NBAS: variants seen among roughly 807,000 people sequenced by gnomAD.
NBAS encodes NAG/BC035112 fusion.
NBAS carries 219 observed loss-of-function variants against 302.5 expected under a neutral mutation model. The ratio of observed to expected loss-of-function variants is 0.72; its 90% confidence interval spans 0.65 to 0.81. The LOEUF is 0.81. Among genes scored for constraint, NBAS ranks in the 30% least tolerant of loss-of-function variants. The pLI is 0.00. For synonymous variants in NBAS, 1,118 were observed against 1,021.6 expected, an observed-to-expected ratio of 1.09 and a Z score of -1.80; for missense variants, 2,932 against 2,841.6, an observed-to-expected ratio of 1.03 and a Z score of -0.72.
intron 11 of NBAS, among the ~76,000 whole-genome samples, chr2:15,502,831 T>C (rs1467980085): frequency 6.6e-6 from 1 of 152,204 alleles, no homozygotes; most frequent in Non-Finnish European, 1.5e-5. Context: ...TCCTCAATAA[T>C]AAATTAGCCT....
intron 38 of NBAS, 40 bp from the exon 39 acceptor site, chr2:15,309,287 A>G: frequency 6.6e-7 from 1 of 1,520,374 alleles, no homozygotes; most frequent in Non-Finnish European, 9.1e-7. Context: ...CTGAGGTTGC[A>G]TATGATATTC....
At chr2:14,981,983 C>T in the NBAS span, among the ~76,000 whole-genome samples, 1 of 152,120 alleles carries the variant, frequency 6.6e-6, no homozygotes, top group Non-Finnish European at 1.5e-5. Context: ...CCATGCTTGC[C>T]GTAGTGATTT....
At position 15,468,515 on chromosome 2, in the gene NBAS, A is replaced by T; in HGVS notation, c.1744T>A (p.Ser582Thr). The T allele has an allele frequency of 6.2e-7, 1 of 1,614,066 alleles. No individual in the cohort carries two copies. The highest frequency in any genetic ancestry group is 8.5e-7 in the Non-Finnish European group (1 of 1,179,954). Residue 582 changes from serine to threonine, a missense_variant, in exon 17 of 52, where the codon TCC becomes ACC. Transcript: ENST00000281513. The stretch of plus-strand genomic sequence containing the variant: ...TCCAAACACTCATGGAGAACCCAGG[A>T]TCGCTTCTTTATTTTACTCTGCATA... ...QNYLSKIKKR[S>T]WVLHECLERV...
the NBAS span, among the ~76,000 whole-genome samples, chr2:14,962,250 G>A: frequency 6.6e-6 from 1 of 152,168 alleles, no homozygotes; most frequent in Admixed American, 6.5e-5. Flanking sequence ...TCTGGGACAT[G>A]GGAGATTTGA....
intron 40 of NBAS, among the ~76,000 whole-genome samples, chr2:15,304,856 A>T (rs1670959399): frequency 6.6e-6 from 1 of 152,204 alleles, no homozygotes; most frequent in African/African-American, 2.4e-5. Context: ...AGTTTTATGC[A>T]TTCACAAAAA....
intron 38 of NBAS, among the ~76,000 whole-genome samples, chr2:15,316,156 A>AT (rs1671499157): frequency 6.6e-6 from 1 of 152,236 alleles, no homozygotes; most frequent in African/African-American, 2.4e-5. Context: ...CACGAATTTA[A>AT]TTTGTAATGC....
intron 21 of NBAS, among the ~76,000 whole-genome samples, chr2:15,450,551 C>G (rs975544825): frequency 6.6e-6 from 1 of 152,070 alleles, no homozygotes; most frequent in Non-Finnish European, 1.5e-5. Context: ...TGTATCTAAC[C>G]TGTCTGATCT....
chr2:14,986,406 A>G, the NBAS span, among the ~76,000 whole-genome samples: 5 of 152,266 alleles, frequency 3.3e-5, no homozygotes, highest in African/African-American at 1.2e-4. Flanking sequence ...TTAATCTAAT[A>G]CACTGAACCC....
At chr2:15,198,282 T>G (rs1665710425) in intron 48 of NBAS, among the ~76,000 whole-genome samples, 1 of 152,244 alleles carries the variant, frequency 6.6e-6, no homozygotes, top group African/African-American at 2.4e-5. Context: ...CACAAGTACC[T>G]GACTCAGGTG....
chr2:14,845,468 C>G, the NBAS span, among the ~76,000 whole-genome samples: 1 of 152,142 alleles, frequency 6.6e-6, no homozygotes, highest in Non-Finnish European at 1.5e-5. Flanking sequence ...AAAGACTGCA[C>G]TAAATCCTAA....
intron 21 of NBAS, among the ~76,000 whole-genome samples, chr2:15,428,162 C>T (rs1677573540): frequency 6.6e-6 from 1 of 152,172 alleles, no homozygotes; most frequent in Non-Finnish European, 1.5e-5. Flanking sequence ...GTAGTGCTTT[C>T]AACAGAACTT....
chr2:14,899,960 A>C, the NBAS span, among the ~76,000 whole-genome samples: 1 of 152,216 alleles, frequency 6.6e-6, no homozygotes, highest in Non-Finnish European at 1.5e-5. Context: ...TAGAATCTTT[A>C]CTAAGACATC....
chr2:14,951,864 G>A, the NBAS span, among the ~76,000 whole-genome samples: 5 of 152,128 alleles, frequency 3.3e-5, no homozygotes, highest in South Asian at 2.1e-4. Context: ...TCTTGAGTCC[G>A]TATTGTCTGA....
At chr2:14,822,303 T>C in the NBAS span, among the ~76,000 whole-genome samples, 1 of 152,164 alleles carries the variant, frequency 6.6e-6, no homozygotes, top group Non-Finnish European at 1.5e-5. Context: ...GCTTGAGTTA[T>C]CAATTTTTCC....
chr2:15,204,015 A>G (rs567443718), intron 48 of NBAS, among the ~76,000 whole-genome samples: 1 of 152,100 alleles, frequency 6.6e-6, no homozygotes, highest in East Asian at 1.9e-4. Context: ...TGCATCCAGC[A>G]CTTTGGGAGG....
chr2:14,949,534 A>C, the NBAS span, among the ~76,000 whole-genome samples: 2 of 152,152 alleles, frequency 1.3e-5, no homozygotes, highest in South Asian at 4.1e-4. Context: ...AAACTACAGT[A>C]TATTGAATAG....
At chr2:14,900,451 C>T in the NBAS span, among the ~76,000 whole-genome samples, 3 of 152,146 alleles carry the variant, frequency 2.0e-5, no homozygotes, top group Non-Finnish European at 4.4e-5. Context: ...TTCCTTTCAT[C>T]TGCTATGTCC....
chr2:15,043,542 G>A, the NBAS span, among the ~76,000 whole-genome samples: 125,013 of 152,060 alleles, frequency 0.82, 51,737 homozygotes, highest in East Asian at 0.99. Context: ...CTGACTCTTC[G>A]CCCCTTGCTG....
At chr2:15,428,012 AT>A (rs1341457664) in intron 21 of NBAS, among the ~76,000 whole-genome samples, 1 of 152,226 alleles carries the variant, frequency 6.6e-6, no homozygotes, top group Non-Finnish European at 1.5e-5. Flanking sequence ...AAAATTACAA[AT>A]AAAAAATTTG....
Sources: gnomAD v4.1 joint callset for allele counts (sites outside exome capture counted in the v4.1 genomes callset) on GRCh38, gnomAD v4.1.1 for gene constraint, MANE v1.5 for transcripts, NCBI Gene and HGNC (gene_info 2026-07-23, HGNC 2026-07-21) for gene names.